The following PRDM5 variants were observed in gnomAD, a reference collection of about 807,000 sequenced individuals.
PRDM5 encodes PR/SET domain 5.
In PRDM5, 56 loss-of-function variants were observed where a neutral mutation model predicts 81.2. That is an observed-to-expected ratio of 0.69 (90% CI 0.56 to 0.86). The LOEUF is 0.86. Among genes scored for constraint, PRDM5 ranks in the 40% least tolerant of loss-of-function variants. The probability of loss-of-function intolerance (pLI) is 0.00; values close to 1 mark genes in which losing one functional copy is unlikely to be tolerated. For missense variants in PRDM5, 697 were observed against 770.1 expected, an observed-to-expected ratio of 0.91 and a Z score of 1.12; for synonymous variants, 267 against 256.4, an observed-to-expected ratio of 1.04 and a Z score of -0.39.
intron 2 of PRDM5, among the ~76,000 whole-genome samples, chr4:120,869,630 CTG>C (rs541866327): frequency 9.9e-4 from 150 of 152,252 alleles, no homozygotes; most frequent in African/African-American, 3.6e-3. Flanking sequence ...AAACATAAAA[CTG>C]TAAACTACCA....
intron 8 of PRDM5, 123 bp downstream of exon 8, chr4:120,811,247 C>A: frequency 1.8e-6 from 1 of 551,492 alleles, no homozygotes. Flanking sequence ...TTAATAATTG[C>A]CATTGATTTT....
intron 3 of PRDM5, among the ~76,000 whole-genome samples, chr4:120,850,122 A>G (rs557542106): frequency 2.9e-4 from 44 of 152,154 alleles, no homozygotes; most frequent in Non-Finnish European, 5.1e-4. Flanking sequence ...CCTCAACTTC[A>G]TAATCCCTTG....
At chr4:120,803,906 G>A (rs1304956658) in intron 8 of PRDM5, among the ~76,000 whole-genome samples, 2 of 152,132 alleles carry the variant, frequency 1.3e-5, no homozygotes, top group African/African-American at 2.4e-5. Flanking sequence ...GACACAGACT[G>A]GCAAATTGGA....
At chr4:120,785,232 C>T in intron 10 of PRDM5, 141 bp from the exon 11 acceptor site, 1 of 678,428 alleles carries the variant, frequency 1.5e-6, no homozygotes, top group Non-Finnish European at 2.6e-6. Flanking sequence ...CATTCTTCCA[C>T]CGTAAAATTG....
chr4:120,721,420 C>T (rs1026235061), intron 14 of PRDM5, among the ~76,000 whole-genome samples: 2 of 152,100 alleles, frequency 1.3e-5, no homozygotes, highest in Non-Finnish European at 2.9e-5. Context: ...AATGCGCAAC[C>T]AGAAGTGAGA....
intron 1 of PRDM5, 78 bp from the exon 2 acceptor site, chr4:120,907,635 G>T: frequency 2.6e-6 from 3 of 1,175,198 alleles, no homozygotes; most frequent in Non-Finnish European, 3.8e-6. Context: ...TTTTCTTCTG[G>T]AATGTTTTTC....
chr4:120,703,333 G>A (rs1368509228), intron 15 of PRDM5, among the ~76,000 whole-genome samples: 1 of 152,004 alleles, frequency 6.6e-6, no homozygotes, highest in East Asian at 1.9e-4. Flanking sequence ...CTACAAGTGT[G>A]TGCCGCCATG....
At chr4:120,858,301 T>G (rs1760113290) in intron 2 of PRDM5, among the ~76,000 whole-genome samples, 1 of 152,210 alleles carries the variant, frequency 6.6e-6, no homozygotes, top group Non-Finnish European at 1.5e-5. Flanking sequence ...TAAGGCCATA[T>G]GCCTTGCCTT....
At chr4:120,896,304 TG>T (rs1401708148) in intron 2 of PRDM5, 1 of 152,200 alleles carries the variant, frequency 6.6e-6, no homozygotes, top group Non-Finnish European at 1.5e-5. Context: ...ACACTGAAGA[TG>T]GGCCACCACT....
At chr4:120,813,633 T>C (rs1164991742) in intron 7 of PRDM5, among the ~76,000 whole-genome samples, 1 of 152,228 alleles carries the variant, frequency 6.6e-6, no homozygotes, top group East Asian at 1.9e-4. Flanking sequence ...AAAAGTAACA[T>C]GGCTACTAAA....
chr4:120,841,332 T>G (rs1758007249), intron 3 of PRDM5, among the ~76,000 whole-genome samples: 1 of 152,144 alleles, frequency 6.6e-6, no homozygotes, highest in Admixed American at 6.5e-5. Flanking sequence ...AACTTCACAT[T>G]TTACTTCGTA....
intron 2 of PRDM5, among the ~76,000 whole-genome samples, chr4:120,868,896 T>A (rs889482548): frequency 6.6e-5 from 10 of 152,176 alleles, no homozygotes; most frequent in Non-Finnish European, 1.5e-4. Context: ...AATATTATAT[T>A]CTTTTCCATG....
chr4:120,810,799 A>C (rs1753729818), intron 8 of PRDM5, among the ~76,000 whole-genome samples: 2 of 152,208 alleles, frequency 1.3e-5, no homozygotes, highest in Non-Finnish European at 1.5e-5. Context: ...TAAGTATCAA[A>C]ATCACTAAAC....
intron 2 of PRDM5, among the ~76,000 whole-genome samples, chr4:120,902,254 C>T (rs1362078705): frequency 1.3e-5 from 2 of 152,146 alleles, no homozygotes; most frequent in Non-Finnish European, 2.9e-5. Flanking sequence ...GTGCTGCATT[C>T]CACAGGTGCC....
intron 14 of PRDM5, among the ~76,000 whole-genome samples, chr4:120,714,117 TATC>T (rs1248910633): frequency 6.6e-6 from 1 of 152,216 alleles, no homozygotes; most frequent in Non-Finnish European, 1.5e-5. Context: ...ATGAAATCAT[TATC>T]ATTTTATATA....
chr4:120,774,737 G>A (rs1747808713), intron 13 of PRDM5, among the ~76,000 whole-genome samples: 1 of 151,948 alleles, frequency 6.6e-6, no homozygotes, highest in Admixed American at 6.6e-5. Context: ...AAGAAGAACT[G>A]TAAAATGAGA....
At chr4:120,723,085 T>C (rs1738866559) in intron 14 of PRDM5, among the ~76,000 whole-genome samples, 1 of 152,218 alleles carries the variant, frequency 6.6e-6, no homozygotes, top group African/African-American at 2.4e-5. Context: ...CATTACACCA[T>C]ATTCTAATGG....
intron 8 of PRDM5, among the ~76,000 whole-genome samples, chr4:120,808,319 G>C (rs1206204806): frequency 1.3e-5 from 2 of 152,064 alleles, no homozygotes; most frequent in Non-Finnish European, 2.9e-5. Flanking sequence ...CTCCCCACTA[G>C]ATTAGCTAGA....
At chr4:120,873,755 C>T (rs1437075102) in intron 2 of PRDM5, among the ~76,000 whole-genome samples, 1 of 152,072 alleles carries the variant, frequency 6.6e-6, no homozygotes, top group Non-Finnish European at 1.5e-5. Flanking sequence ...CTACTTTTTC[C>T]CCACTAGGGG....
Sources: allele counts gnomAD v4.1 joint callset (sites outside exome capture counted in the v4.1 genomes callset), GRCh38; gene constraint gnomAD v4.1.1; transcripts MANE v1.5; gene names NCBI Gene and HGNC (gene_info 2026-07-23, HGNC 2026-07-21).